Variants in FHOD3 observed in about 807,000 individuals in gnomAD.
FHOD3 encodes the protein FH1/FH2 domain-containing protein 3.
A neutral mutation model predicts 173.0 loss-of-function variants in FHOD3; 90 were observed. That is an observed-to-expected ratio of 0.52 (90% CI 0.44 to 0.62). The LOEUF (loss-of-function observed/expected upper bound fraction) is 0.62, where lower values mean the gene tolerates loss of function less well. Among genes scored for constraint, FHOD3 ranks in the 20% least tolerant of loss-of-function variants. The pLI, the probability that FHOD3 is intolerant of heterozygous loss-of-function variation, is 0.00. For missense variants in FHOD3, 1,945 were observed against 2,034.7 expected, an observed-to-expected ratio of 0.96 and a Z score of 0.85; for synonymous variants, 828 against 823.0, an observed-to-expected ratio of 1.01 and a Z score of -0.10.
intron 6 of FHOD3, among the ~76,000 whole-genome samples, chr18:36,576,937 A>G (rs958499423): frequency 1.3e-5 from 2 of 152,226 alleles, no homozygotes; most frequent in African/African-American, 4.8e-5. Flanking sequence ...TACTAAAAAT[A>G]TAAAAATTAG....
chr18:36,684,782 G>C (rs951516502), intron 15 of FHOD3, among the ~76,000 whole-genome samples: 5 of 152,130 alleles, frequency 3.3e-5, no homozygotes, highest in African/African-American at 7.2e-5. Flanking sequence ...AGGAGAATAG[G>C]ACAAGAGTGC....
chr18:36,569,023 T>C (rs529884175), intron 5 of FHOD3, among the ~76,000 whole-genome samples: 7 of 152,082 alleles, frequency 4.6e-5, no homozygotes, highest in African/African-American at 1.2e-4. Flanking sequence ...GAGAACCCAA[T>C]GGAAAATTTA....
chr18:36,769,251 TGTTTA>T lies in FHOD3; in HGVS notation c.4625-13_4625-9del. On this transcript the variant is annotated splice_polypyrimidine_tract_variant and intron_variant, in intron 27 of 28. Coordinates refer to ENST00000590592, the MANE Select transcript of FHOD3 (RefSeq NM_001281740.3). The stretch of plus-strand genomic sequence containing the variant: ...TTCTGAGTATGTTGTGCACTCTGGC[TGTTTA>T]ATTTTTAGGATCCACTAGTTCCTGG... The T allele has an allele frequency of 1.2e-6, 2 of 1,613,734 alleles. No individual in the cohort carries two copies. The highest frequency in any genetic ancestry group is 1.7e-6 in the Non-Finnish European group (2 of 1,179,762).
At chr18:36,311,956 C>G (rs2092268260) in intron 1 of FHOD3, among the ~76,000 whole-genome samples, 1 of 152,134 alleles carries the variant, frequency 6.6e-6, no homozygotes, top group South Asian at 2.1e-4. Flanking sequence ...TCCAGAAAGT[C>G]CCTCTTCCCT....
At chr18:36,750,959 C>A (rs2042379162) in intron 24 of FHOD3, among the ~76,000 whole-genome samples, 1 of 152,164 alleles carries the variant, frequency 6.6e-6, no homozygotes, top group African/African-American at 2.4e-5. Context: ...CTTGGTAATC[C>A]AGGCTCTTTT....
chr18:36,581,375 G>T (rs1478928827), intron 6 of FHOD3, among the ~76,000 whole-genome samples: 1 of 152,144 alleles, frequency 6.6e-6, no homozygotes, highest in Non-Finnish European at 1.5e-5. Flanking sequence ...TCCTCTTTTG[G>T]CCCAAGGGGA....
intron 7 of FHOD3, among the ~76,000 whole-genome samples, chr18:36,602,007 C>T (rs1227858229): frequency 1.3e-5 from 2 of 152,306 alleles, no homozygotes; most frequent in Non-Finnish European, 1.5e-5. Flanking sequence ...TGCAAGAGAC[C>T]TCACTTGCAC....
chr18:36,764,610 A>G (rs1050999280), intron 27 of FHOD3, among the ~76,000 whole-genome samples: 1 of 152,186 alleles, frequency 6.6e-6, no homozygotes, highest in Non-Finnish European at 1.5e-5. Context: ...GGTTGTACCA[A>G]TTTTAAAGGA....
chr18:36,539,645 G>A (rs529990664), intron 5 of FHOD3, among the ~76,000 whole-genome samples: 3 of 152,206 alleles, frequency 2.0e-5, no homozygotes, highest in Non-Finnish European at 4.4e-5. Flanking sequence ...AAGAAATTCA[G>A]CAGCAGGTGG....
At chr18:36,298,775 T>G (rs1243732677) in intron 1 of FHOD3, among the ~76,000 whole-genome samples, 2 of 151,898 alleles carry the variant, frequency 1.3e-5, no homozygotes, top group Non-Finnish European at 2.9e-5. Context: ...TTTTTTTTAT[T>G]TGTTATTTTT....
At chr18:36,704,039 GTACCCTGT>G (rs2039733402) in intron 17 of FHOD3, among the ~76,000 whole-genome samples, 1 of 152,154 alleles carries the variant, frequency 6.6e-6, no homozygotes, top group South Asian at 2.1e-4. Flanking sequence ...TGACAGCCCA[GTACCCTGT>G]TATGTCTCTT....
chr18:36,647,555 G>A (rs2035774419), intron 10 of FHOD3, among the ~76,000 whole-genome samples: 1 of 152,064 alleles, frequency 6.6e-6, no homozygotes, highest in East Asian at 1.9e-4. Flanking sequence ...TAATAAAGAT[G>A]AACCCAAGCA....
chr18:36,380,571 T>TC (rs1568196172), intron 3 of FHOD3, among the ~76,000 whole-genome samples: 1,614 of 116,406 alleles, frequency 0.014, 48 homozygotes, highest in African/African-American at 0.054. Context: ...TCTTTTCTTT[T>TC]CTTTTCTTTT....
intron 3 of FHOD3, among the ~76,000 whole-genome samples, chr18:36,482,461 C>T (rs2053953875): frequency 6.6e-6 from 1 of 152,148 alleles, no homozygotes; most frequent in African/African-American, 2.4e-5. Context: ...CCCCCCCGCC[C>T]CGCAAGGCAT....
chr18:36,377,334 G>C (rs1598891821), intron 3 of FHOD3, among the ~76,000 whole-genome samples: 1 of 151,538 alleles, frequency 6.6e-6, no homozygotes, highest in East Asian at 2.0e-4. Context: ...ATCAATTTGA[G>C]CTGGTTTCTC....
chr18:36,557,104 A>G (rs143824228), intron 5 of FHOD3, among the ~76,000 whole-genome samples: 1 of 152,142 alleles, frequency 6.6e-6, no homozygotes, highest in East Asian at 1.9e-4. Flanking sequence ...AATGGTTTTC[A>G]TCAATTTGAT....
chr18:36,602,703 A>C lies in FHOD3; in HGVS notation c.748A>C (p.Ile250Leu). The C allele has an allele frequency of 6.2e-7, 1 of 1,614,216 alleles. No individual in the cohort carries two copies. The highest frequency in any genetic ancestry group is 8.5e-7 in the Non-Finnish European group (1 of 1,180,038). The change falls in exon 8 of 29, where the codon ATC becomes CTC. Residue 250 changes from isoleucine (I) to leucine (L), a missense_variant. Transcript: ENST00000590592. ...CAAACCTTGGTCAAATATCATGGAA[A>C]TCCTGGAGGAAAAAGATGGAGTTGA... ...GVKPWSNIME[I>L]LEEKDGVDTE...
intron 5 of FHOD3, among the ~76,000 whole-genome samples, chr18:36,521,111 G>T (rs1371199280): frequency 2.0e-5 from 3 of 152,142 alleles, no homozygotes; most frequent in Non-Finnish European, 4.4e-5. Flanking sequence ...TTTGTGGGTG[G>T]GGTGGTGGAG....
intron 18 of FHOD3, among the ~76,000 whole-genome samples, chr18:36,713,483 A>C (rs1183841559): frequency 6.6e-6 from 1 of 152,238 alleles, no homozygotes; most frequent in Non-Finnish European, 1.5e-5. Context: ...GAACACTATA[A>C]ATAAATCAAA....
Sources: allele counts gnomAD v4.1 joint callset (sites outside exome capture counted in the v4.1 genomes callset), GRCh38; gene constraint gnomAD v4.1.1; transcripts MANE v1.5; gene names NCBI Gene and HGNC (gene_info 2026-07-23, HGNC 2026-07-21).